Variants in TENM4 observed in about 807,000 individuals in gnomAD.
TENM4 encodes teneurin transmembrane protein 4.
In TENM4, 82 loss-of-function variants were observed where a neutral mutation model predicts 243.3. The observed-to-expected ratio is 0.34, with a 90% CI of 0.28 to 0.40. The LOEUF (loss-of-function observed/expected upper bound fraction) is 0.40. Ranked by LOEUF, TENM4 falls within the 10% of genes least tolerant of loss-of-function variation. The probability of loss-of-function intolerance (pLI) is 1.00; values close to 1 mark genes in which losing one functional copy is unlikely to be tolerated. For synonymous variants in TENM4, 1,412 were observed against 1,456.3 expected (o/e 0.97, Z 0.69); for missense variants, 3,138 against 3,673.3 (o/e 0.85, Z 3.77).
chr11:78,944,674 GTTCCT>G (rs1315563128), intron 6 of TENM4, among the ~76,000 whole-genome samples: 5 of 152,226 alleles, frequency 3.3e-5, no homozygotes, highest in Non-Finnish European at 4.4e-5. Flanking sequence ...TATCAGGAGC[GTTCCT>G]GCTCTTCTCA....
intron 2 of TENM4, among the ~76,000 whole-genome samples, chr11:79,264,681 G>A (rs569798528): frequency 3.0e-4 from 46 of 152,290 alleles, no homozygotes; most frequent in African/African-American, 8.7e-4. Flanking sequence ...GCAGTTACAC[G>A]TTGGAAATGG....
chr11:78,880,172 T>G (rs931568877), intron 9 of TENM4, among the ~76,000 whole-genome samples: 1 of 152,198 alleles, frequency 6.6e-6, no homozygotes. Flanking sequence ...CCGTGCTCTC[T>G]GAAACATGTG....
At chr11:79,033,217 C>G (rs1172161258) in intron 6 of TENM4, among the ~76,000 whole-genome samples, 1 of 152,208 alleles carries the variant, frequency 6.6e-6, no homozygotes, top group Middle Eastern at 3.4e-3. Context: ...AGATCCATCC[C>G]TAGTGCTTGG....
chr11:78,766,481 T>C (rs929423278), intron 18 of TENM4, among the ~76,000 whole-genome samples: 7 of 152,160 alleles, frequency 4.6e-5, no homozygotes, highest in Admixed American at 1.3e-4. Context: ...GTGGGGCACA[T>C]AGAGACTTCA....
chr11:78,823,479 G>A (rs1235856186), intron 12 of TENM4, among the ~76,000 whole-genome samples: 1 of 152,214 alleles, frequency 6.6e-6, no homozygotes, highest in Non-Finnish European at 1.5e-5. Flanking sequence ...TAGCATTCAG[G>A]AGCAGGAGCC....
intron 12 of TENM4, among the ~76,000 whole-genome samples, chr11:78,849,030 A>G (rs1254183888): frequency 6.6e-6 from 1 of 151,986 alleles, no homozygotes; most frequent in African/African-American, 2.4e-5. Context: ...AGCAATTCTC[A>G]TTTCTTTTCT....
intron 25 of TENM4, among the ~76,000 whole-genome samples, chr11:78,715,093 C>T (rs755559263): frequency 2.6e-5 from 4 of 152,142 alleles, no homozygotes; most frequent in African/African-American, 4.8e-5. Context: ...TGTTTGCATT[C>T]GCATTATTTA....
chr11:78,937,762 C>T (rs1856815952), intron 6 of TENM4, among the ~76,000 whole-genome samples: 1 of 152,158 alleles, frequency 6.6e-6, no homozygotes, highest in Admixed American at 6.5e-5. Context: ...CCCAAACAGG[C>T]CAGTTTTAGC....
At chr11:78,908,017 A>G (rs1251255471) in intron 6 of TENM4, among the ~76,000 whole-genome samples, 1 of 152,182 alleles carries the variant, frequency 6.6e-6, no homozygotes, top group Non-Finnish European at 1.5e-5. Context: ...GTTCTTAAAT[A>G]TATTTGCAGT....
In TENM4 at chr11:78,672,211, C is replaced by T; in HGVS notation, c.5615G>A (p.Ser1872Asn). 1 of 1,613,888 alleles carries T rather than the reference C, an allele frequency of 6.2e-7. No individual in the cohort carries two copies. The highest frequency in any genetic ancestry group is 8.5e-7 in the Non-Finnish European group (1 of 1,179,848). Residue 1872 changes from serine (S) to asparagine (N), a missense_variant, in exon 31 of 34, where the codon AGC becomes AAC. This residue lies in a region of TENM4 where 2,467 missense variants were observed against 3,059.1 expected (regional missense o/e 0.81). Transcript: ENST00000278550. The part of the protein sequence containing the change: ...RILYDQAGRP[S>N]LWSPSSRLNG... Reference sequence around the variant, plus strand: ...CAGCCTGCTGCTGGGTGACCAGAGGCTGGGCCGCCCCGCCTGGTCGTACAG... The same window carrying T: ...CAGCCTGCTGCTGGGTGACCAGAGGTTGGGCCGCCCCGCCTGGTCGTACAG...
intron 6 of TENM4, among the ~76,000 whole-genome samples, chr11:79,012,546 G>A (rs1321481611): frequency 6.6e-6 from 1 of 152,144 alleles, no homozygotes; most frequent in Non-Finnish European, 1.5e-5. Context: ...CAAAGTGGGT[G>A]CTTAATAAAT....
chr11:78,874,751 C>G (rs768615722), intron 9 of TENM4, among the ~76,000 whole-genome samples: 1 of 152,190 alleles, frequency 6.6e-6, no homozygotes, highest in Non-Finnish European at 1.5e-5. Flanking sequence ...ACACAGGGGT[C>G]TGAGGAATAT....
chr11:78,887,364 G>A (rs1024426391), intron 9 of TENM4, among the ~76,000 whole-genome samples: 1 of 152,164 alleles, frequency 6.6e-6, no homozygotes, highest in African/African-American at 2.4e-5. Flanking sequence ...CTTGGCTGGG[G>A]TTGGGTATTC....
At chr11:78,744,795 A>G (rs996134864) in intron 19 of TENM4, among the ~76,000 whole-genome samples, 13 of 152,222 alleles carry the variant, frequency 8.5e-5, no homozygotes, top group Non-Finnish European at 1.3e-4. Flanking sequence ...GCAAGGTTTG[A>G]TGAGTATTCA....
At chr11:78,980,727 ACTTATAGAAAAGGGATAATAGTAC>A (rs1209606144) in intron 6 of TENM4, among the ~76,000 whole-genome samples, 6 of 152,204 alleles carry the variant, frequency 3.9e-5, no homozygotes, top group African/African-American at 1.4e-4. Flanking sequence ...CAGTTACTTT[ACTTATAGAAAAGGGATAATAGTAC>A]CTACCTCACA....
At chr11:78,886,526 AC>A (rs1433755608) in intron 9 of TENM4, among the ~76,000 whole-genome samples, 1 of 152,194 alleles carries the variant, frequency 6.6e-6, no homozygotes, top group Non-Finnish European at 1.5e-5. Context: ...GTTGGCTTAT[AC>A]CAAGCTCACA....
chr11:79,219,764 C>T (rs550712569), intron 2 of TENM4, among the ~76,000 whole-genome samples: 5 of 152,158 alleles, frequency 3.3e-5, no homozygotes, highest in African/African-American at 7.2e-5. Context: ...GGCTGTCCAC[C>T]GGTATGTGGA....
Position 78,756,970 on chromosome 11 carries a change from T to A in TENM4, c.2591A>T (p.His864Leu). ...DPDCCLQPLCHINPLCLGSPN... is the reference protein window; with the variant it reads ...DPDCCLQPLCLINPLCLGSPN... ...GGAGCCAAGGCACAGCGGGTTGATA[T>A]GGCACAGGGGCTGGAGGCAGCAGTC... Residue 864 changes from histidine (H) to leucine (L), a missense_variant, in exon 19 of 34, where the codon CAT becomes CTT. This residue lies in a region of TENM4 where 2,467 missense variants were observed against 3,059.1 expected (regional missense o/e 0.81). Coordinates refer to ENST00000278550, the MANE Select transcript of TENM4 (RefSeq NM_001098816.3). 1.2e-6 allele frequency: 2 copies of A among 1,613,986 alleles called. No homozygotes were observed. The highest frequency in any genetic ancestry group is 8.5e-7 in the Non-Finnish European group (1 of 1,179,880).
intron 3 of TENM4, among the ~76,000 whole-genome samples, chr11:79,157,024 G>A (rs1022169534): frequency 5.3e-5 from 8 of 152,246 alleles, no homozygotes; most frequent in South Asian, 2.1e-4. Flanking sequence ...GAATGTTTGC[G>A]GAATGAGTGA....
Sources: allele counts gnomAD v4.1 joint callset (sites outside exome capture counted in the v4.1 genomes callset), GRCh38; gene constraint gnomAD v4.1.1; regional missense constraint gnomAD v4.1.1; transcripts MANE v1.5; gene names NCBI Gene and HGNC (gene_info 2026-07-23, HGNC 2026-07-21).